Variants in PATL2 observed in about 807,000 individuals in gnomAD.
PATL2 encodes PAT1 homolog 2.
Under a neutral mutation model 77.0 loss-of-function variants are expected in PATL2, and 73 were observed. The ratio of observed to expected loss-of-function variants is 0.95; its 90% CI spans 0.78 to 1.15. The LOEUF (loss-of-function observed/expected upper bound fraction) is 1.15, where lower values mean the gene tolerates loss of function less well. PATL2 is among the 50% of genes most tolerant of loss of function. The pLI is 0.00. For synonymous variants in PATL2, 265 were observed against 257.1 expected, an observed-to-expected ratio of 1.03 and a Z score of -0.29; for missense variants, 618 against 655.4, an observed-to-expected ratio of 0.94 and a Z score of 0.62.
chr15:44,668,836 C>A, intron 14 of PATL2, 144 bp downstream of exon 14: 4 of 1,028,794 alleles, frequency 3.9e-6, no homozygotes, highest in Non-Finnish European at 5.5e-6. Context: ...CTGTAACTTC[C>A]TTGCCTGAGG....
chr15:44,705,811 G>GTTT (rs371254036), intron 3 of PATL2, among the ~76,000 whole-genome samples: 1 of 135,394 alleles, frequency 7.4e-6, no homozygotes, highest in Non-Finnish European at 1.5e-5. Context: ...TCAAAACATT[G>GTTT]TTTTTTTTTA....
At chr15:44,673,550 G>T (rs183767133) in intron 6 of PATL2, among the ~76,000 whole-genome samples, 173 bp from the exon 7 acceptor site, 1 of 152,300 alleles carries the variant, frequency 6.6e-6, no homozygotes, top group African/African-American at 2.4e-5. Flanking sequence ...TATGGTTCCT[G>T]CCCTTGTTTC....
At chr15:44,684,158 C>T (rs1179289204) in intron 3 of PATL2, among the ~76,000 whole-genome samples, 2 of 151,890 alleles carry the variant, frequency 1.3e-5, no homozygotes. Context: ...CACAAAAAGG[C>T]TGAAAATTCT....
At chr15:44,676,706 C>G in intron 3 of PATL2, 141 bp from the exon 4 acceptor site, 1 of 1,192,964 alleles carries the variant, frequency 8.4e-7, no homozygotes, top group South Asian at 1.6e-5. Context: ...CCTGGGGTCT[C>G]AGACTGCCAT....
At chr15:44,666,823 C>T in intron 16 of PATL2, 1 of 511,410 alleles carries the variant, frequency 2.0e-6, no homozygotes, top group Non-Finnish European at 3.4e-6. Context: ...AAGAACTTGC[C>T]CTAAAGTTAT....
Position 44,676,645 on chromosome 15 carries a change from TCC to T in PATL2, c.-75-82_-75-81del, listed in dbSNP as rs1002787965. ...GCACCCTAAAACAGCCATGGAATCC[TCC>T]CAGCAAGATGGTTAGAGAATTCTTG... On this transcript the variant is annotated intron_variant, in intron 3 of 17. Transcript: ENST00000682850. 6.7e-6 allele frequency: 9 copies of T among 1,350,404 alleles called. No homozygotes were observed. In the African/African-American group the frequency reaches 1.2e-4, roughly 18 times the overall value. The allele number at this position is 1,350,404 out of a possible 1,614,324, so 83.7% of individuals were successfully genotyped here. A position where few individuals can be genotyped will look rare whatever the true frequency, so the allele number is the denominator to read the frequency against.
Position 44,690,339 on chromosome 15 carries a change from T to TA in PATL2, c.-75-13775dup, listed in dbSNP as rs141398946. Among the ~76,000 whole-genome samples, 1,105 of 142,402 alleles carry TA rather than the reference T, an allele frequency of 7.8e-3. 6 individuals are homozygous for TA. Among genetic ancestry groups the TA allele is most frequent in the Middle Eastern group, 0.011 (3 of 276 alleles). 93.4% of individuals were successfully genotyped at this position (142,402 alleles called of 152,430 possible). ...TATAAAACCACAAATAAAGTCAAAA[T>TA]ATTTTTTTTTTTTTTTTGAGACTGG... On this transcript the variant is annotated intron_variant, in intron 3 of 17. Transcript: ENST00000682850.
At chr15:44,695,163 T>G (rs1310771994) in intron 3 of PATL2, among the ~76,000 whole-genome samples, 2 of 150,094 alleles carry the variant, frequency 1.3e-5, no homozygotes, top group African/African-American at 4.9e-5. Context: ...CACTCCAGCC[T>G]GGCGACAGAG....
intron 17 of PATL2, 74 bp from the exon 18 acceptor site, chr15:44,666,045 G>T: frequency 1.5e-6 from 2 of 1,329,244 alleles, no homozygotes; most frequent in South Asian, 1.3e-5. Flanking sequence ...ATTAGTATCT[G>T]ACTCTTTCTA....
chr15:44,698,305 G>A (rs1473461995), intron 3 of PATL2, among the ~76,000 whole-genome samples: 1 of 151,786 alleles, frequency 6.6e-6, no homozygotes, highest in Non-Finnish European at 1.5e-5. Context: ...GTTGACACTA[G>A]TCACCCTGTT....
intron 3 of PATL2, among the ~76,000 whole-genome samples, chr15:44,677,899 G>C (rs2086026436): frequency 6.6e-6 from 1 of 152,136 alleles, no homozygotes; most frequent in Non-Finnish European, 1.5e-5. Flanking sequence ...GAGTGCAGTG[G>C]CATGATCTTG....
intron 3 of PATL2, 123 bp from the exon 4 acceptor site, chr15:44,676,688 A>T: frequency 8.3e-7 from 1 of 1,200,754 alleles, no homozygotes; most frequent in South Asian, 1.5e-5. Flanking sequence ...GGTCTTGAGG[A>T]GAGAGACCCT....
intron 3 of PATL2, among the ~76,000 whole-genome samples, chr15:44,683,378 A>C (rs1030114304): frequency 1.3e-5 from 2 of 152,182 alleles, no homozygotes; most frequent in African/African-American, 4.8e-5. Flanking sequence ...TCTGAAGTCA[A>C]GCTGGGACAC....
chr15:44,682,186 A>G (rs1301597107), intron 3 of PATL2, among the ~76,000 whole-genome samples: 1 of 152,234 alleles, frequency 6.6e-6, no homozygotes, highest in East Asian at 1.9e-4. Context: ...TTTAATTGGA[A>G]GGTGATTTCA....
At chr15:44,676,710 C>T in intron 3 of PATL2, 145 bp from the exon 4 acceptor site, 2 of 1,183,016 alleles carry the variant, frequency 1.7e-6, no homozygotes, top group African/African-American at 1.6e-5. Context: ...GGGTCTCAGA[C>T]TGCCATAAAC....
intron 15 of PATL2, among the ~76,000 whole-genome samples, chr15:44,667,923 A>G (rs1482213274): frequency 2.0e-5 from 3 of 152,238 alleles, no homozygotes; most frequent in African/African-American, 2.4e-5. Flanking sequence ...AGCCTGGGTG[A>G]CAGAGCGAGA....
chr15:44,676,619 G>A (rs898180056), intron 3 of PATL2, 54 bp from the exon 4 acceptor site: 6 of 1,451,372 alleles, frequency 4.1e-6, no homozygotes, highest in Non-Finnish European at 4.7e-6. Flanking sequence ...AGGATGACAT[G>A]GCACCCTAAA....
At chr15:44,696,758 T>C (rs1209932044) in intron 3 of PATL2, among the ~76,000 whole-genome samples, 3 of 152,318 alleles carry the variant, frequency 2.0e-5, no homozygotes, top group East Asian at 1.9e-4. Context: ...TTCTATTTTT[T>C]TGGGGGCCTG....
intron 5 of PATL2, chr15:44,674,772 G>A (rs1361059139): frequency 6.6e-6 from 1 of 151,872 alleles, no homozygotes; most frequent in African/African-American, 2.4e-5. Flanking sequence ...TGTAGCGACA[G>A]GGTCTTGCTT....
Sources: allele counts gnomAD v4.1 joint callset (sites outside exome capture counted in the v4.1 genomes callset), GRCh38; gene constraint gnomAD v4.1.1; transcripts MANE v1.5; gene names NCBI Gene and HGNC (gene_info 2026-07-23, HGNC 2026-07-21).